The following NEK7 variants were observed in gnomAD, a reference collection of about 807,000 sequenced individuals.
NEK7 encodes NIMA related kinase 7.
In NEK7, 18 loss-of-function variants were observed where a neutral mutation model predicts 44.6. The observed-to-expected ratio is 0.40, with a 90% CI of 0.28 to 0.60. The LOEUF is 0.60. Ranked by LOEUF, NEK7 falls within the 20% of genes least tolerant of loss-of-function variation. The probability of loss-of-function intolerance (pLI) is 0.38; values close to 1 mark genes in which losing one functional copy is unlikely to be tolerated. For synonymous variants in NEK7, 130 were observed against 121.1 expected, an observed-to-expected ratio of 1.07 and a Z score of -0.48; for missense variants, 256 against 366.5, an observed-to-expected ratio of 0.70 and a Z score of 2.46.
chr1:198,200,803 G>A (rs372495841), intron 1 of NEK7, among the ~76,000 whole-genome samples: 2 of 151,964 alleles, frequency 1.3e-5, no homozygotes, highest in Non-Finnish European at 2.9e-5. Context: ...TGCCTGCCTC[G>A]GCCTCCCAAA....
chr1:198,263,325 A>G (rs1653541133), intron 4 of NEK7, among the ~76,000 whole-genome samples: 1 of 151,900 alleles, frequency 6.6e-6, no homozygotes. Context: ...TTTTCTGACT[A>G]TTCTGTTAGT....
chr1:198,172,725 T>G (rs1489734785), intron 1 of NEK7, among the ~76,000 whole-genome samples: 1 of 152,144 alleles, frequency 6.6e-6, no homozygotes, highest in African/African-American at 2.4e-5. Flanking sequence ...GAAATGCAGG[T>G]TTTGCCTTAG....
intron 5 of NEK7, among the ~76,000 whole-genome samples, chr1:198,267,746 G>A (rs1385237577): frequency 6.6e-6 from 1 of 151,920 alleles, no homozygotes; most frequent in Non-Finnish European, 1.5e-5. Context: ...TCCAGCCTGT[G>A]TGTTGCTATT....
chr1:198,272,284 T>G (rs1481323291), intron 5 of NEK7, among the ~76,000 whole-genome samples: 1 of 151,852 alleles, frequency 6.6e-6, no homozygotes, highest in Non-Finnish European at 1.5e-5. Context: ...AGCTTATTGC[T>G]CCTTACATTT....
At chr1:198,297,875 G>T (rs754627607) in intron 9 of NEK7, among the ~76,000 whole-genome samples, 12 of 152,136 alleles carry the variant, frequency 7.9e-5, no homozygotes, top group Non-Finnish European at 1.6e-4. Flanking sequence ...ATCTTAGAAG[G>T]CTACCTTATT....
intron 1 of NEK7, among the ~76,000 whole-genome samples, chr1:198,213,712 G>A (rs755611435): frequency 7.9e-5 from 12 of 152,118 alleles, no homozygotes; most frequent in Non-Finnish European, 1.3e-4. Context: ...CTGGAAGGAC[G>A]GCTGTGGTGC....
chr1:198,216,277 G>A (rs1317936390), intron 1 of NEK7, among the ~76,000 whole-genome samples: 2 of 151,886 alleles, frequency 1.3e-5, no homozygotes, highest in Non-Finnish European at 2.9e-5. Context: ...ATTCCAGAGG[G>A]AACCATCAAA....
intron 9 of NEK7, among the ~76,000 whole-genome samples, chr1:198,313,904 A>G (rs1271119678): frequency 6.6e-6 from 1 of 151,924 alleles, no homozygotes; most frequent in African/African-American, 2.4e-5. Context: ...GGTGACAATT[A>G]TGTGTCTTGG....
chr1:198,277,186 T>C (rs540108118), intron 5 of NEK7, among the ~76,000 whole-genome samples: 2 of 151,908 alleles, frequency 1.3e-5, no homozygotes, highest in South Asian at 4.1e-4. Context: ...TTGTAAGTCT[T>C]ATGAAGCTAA....
At chr1:198,166,712 G>A (rs1664279627) in intron 1 of NEK7, among the ~76,000 whole-genome samples, 1 of 152,092 alleles carries the variant, frequency 6.6e-6, no homozygotes, top group Non-Finnish European at 1.5e-5. Context: ...GATTCATGGT[G>A]CCCCAAAACA....
chr1:198,160,493 T>C (rs1447762646), intron 1 of NEK7, among the ~76,000 whole-genome samples: 1 of 152,146 alleles, frequency 6.6e-6, no homozygotes, highest in Non-Finnish European at 1.5e-5. Context: ...CGAGGGTAGG[T>C]ATTTCAGTGC....
rs1470033791 is a variant in NEK7, at chr1:198,322,076, A to G, written c.*2554A>G. 1.3e-5 allele frequency: 2 copies of G among 152,122 alleles called. No homozygotes were observed. Among genetic ancestry groups the G allele is most frequent in the Non-Finnish European group, 2.9e-5 (2 of 67,990 alleles). The allele number at this position is 152,122 out of a possible 1,614,324, so 9.4% of individuals were successfully genotyped here. On this transcript the variant is annotated 3_prime_UTR_variant, in exon 10 of 10. Coordinates refer to ENST00000367385, the MANE Select transcript of NEK7 (RefSeq NM_133494.3). The stretch of plus-strand genomic sequence containing the variant: ...GTAAGATATTACAGCCATTTCATGA[A>G]TGCTTTACCATTCAACATAGTATCT...
At position 198,197,944 on chromosome 1, in the gene NEK7, G is replaced by A. The variant is rs1665292403; in HGVS notation, c.-28-34609G>A. 2.6e-6 allele frequency: 4 copies of A among 1,514,048 alleles called. No individual in the cohort carries two copies. In the East Asian group the frequency reaches 6.9e-5, roughly 26 times the overall value. 93.8% of individuals were successfully genotyped at this position (1,514,048 alleles called of 1,614,324 possible). On this transcript the variant is annotated intron_variant, in intron 1 of 9. Transcript: ENST00000367385. ...AGGGATTCACAGGAGGCATCCAGGG[G>A]CAGGTGGTGGGTATGGAGGAGGGTA...
At chr1:198,267,023 TCTCTC>T (rs1021207931) in intron 5 of NEK7, among the ~76,000 whole-genome samples, 6 of 152,082 alleles carry the variant, frequency 3.9e-5, no homozygotes, top group African/African-American at 1.4e-4. Flanking sequence ...CTGTTACTGT[TCTCTC>T]CTCCTTCTCT....
chr1:198,312,047 G>A (rs1655203990), intron 9 of NEK7, among the ~76,000 whole-genome samples: 3 of 152,248 alleles, frequency 2.0e-5, no homozygotes, highest in South Asian at 2.1e-4. Flanking sequence ...GGTAGAATTC[G>A]GCTGTAAATC....
intron 7 of NEK7, among the ~76,000 whole-genome samples, chr1:198,282,588 T>C (rs1403269906): frequency 6.6e-6 from 1 of 152,110 alleles, no homozygotes; most frequent in Non-Finnish European, 1.5e-5. Context: ...AACCATCCTA[T>C]GTTGTCCCTT....
intron 1 of NEK7, among the ~76,000 whole-genome samples, chr1:198,160,106 A>G (rs937700824): frequency 6.6e-6 from 1 of 152,118 alleles, no homozygotes; most frequent in South Asian, 2.1e-4. Flanking sequence ...AGACTTTTAC[A>G]GTGTTTCCAG....
chr1:198,244,367 T>C (rs1394489864), intron 2 of NEK7, among the ~76,000 whole-genome samples: 1 of 152,182 alleles, frequency 6.6e-6, no homozygotes, highest in East Asian at 1.9e-4. Flanking sequence ...CATAATGTTA[T>C]CCTGAATTAT....
At chr1:198,275,581 C>G (rs994884964) in intron 5 of NEK7, among the ~76,000 whole-genome samples, 3 of 150,302 alleles carry the variant, frequency 2.0e-5, no homozygotes, top group Non-Finnish European at 4.5e-5. Flanking sequence ...CAATAATGCT[C>G]TTTGGCTAGA....
Sources: allele counts gnomAD v4.1 joint callset (sites outside exome capture counted in the v4.1 genomes callset), GRCh38; gene constraint gnomAD v4.1.1; transcripts MANE v1.5; gene names NCBI Gene and HGNC (gene_info 2026-07-23, HGNC 2026-07-21).